CNTNAP2: variants seen among roughly 807,000 people sequenced by gnomAD.
The protein encoded by CNTNAP2 is contactin-associated protein-like 2.
In CNTNAP2, 98 loss-of-function variants were observed where a neutral mutation model predicts 155.2. The ratio of observed to expected loss-of-function variants is 0.63; its 90% confidence interval spans 0.54 to 0.75. The LOEUF (loss-of-function observed/expected upper bound fraction) is 0.75, where lower values mean the gene tolerates loss of function less well. Ranked by LOEUF, CNTNAP2 falls within the 30% of genes least tolerant of loss-of-function variation. CNTNAP2 has a pLI of 0.00. For synonymous variants in CNTNAP2, 651 were observed against 631.2 expected (o/e 1.03, Z -0.47); for missense variants, 1,727 against 1,688.1 (o/e 1.02, Z -0.40).
intron 1 of CNTNAP2, among the ~76,000 whole-genome samples, chr7:146,345,576 G>T (rs1417095565): frequency 2.0e-5 from 3 of 152,120 alleles, no homozygotes; most frequent in African/African-American, 7.2e-5. Context: ...CACAAAACCT[G>T]AGAAGCCCAA....
At chr7:147,878,639 C>G (rs1799466288) in intron 13 of CNTNAP2, among the ~76,000 whole-genome samples, 1 of 152,088 alleles carries the variant, frequency 6.6e-6, no homozygotes, top group Non-Finnish European at 1.5e-5. Flanking sequence ...TATTGTTACT[C>G]CCTAATCTTT....
At chr7:147,360,925 T>C (rs1327217952) in intron 9 of CNTNAP2, among the ~76,000 whole-genome samples, 1 of 152,126 alleles carries the variant, frequency 6.6e-6, no homozygotes, top group Admixed American at 6.5e-5. Context: ...ACATTACCAA[T>C]GGGTTGGATT....
chr7:148,336,004 TTA>T lies in CNTNAP2; in HGVS notation c.3476-47643_3476-47642del, dbSNP rs553159099. Among the ~76,000 whole-genome samples the T allele has an allele frequency of 3.3e-5, 5 of 152,302 alleles. No homozygotes were observed. In the East Asian group the frequency reaches 9.6e-4, roughly 29 times the overall value. ...TCCTTCCCTTCTTGCCCAGAGGAAT[TTA>T]TGTCTGTCTTCCTGCCCCAATATCT... On this transcript the variant is annotated intron_variant, in intron 21 of 23. Coordinates refer to ENST00000361727, the MANE Select transcript of CNTNAP2 (RefSeq NM_014141.6).
At chr7:148,119,584 T>G (rs752917801) in intron 16 of CNTNAP2, among the ~76,000 whole-genome samples, 2 of 152,174 alleles carry the variant, frequency 1.3e-5, no homozygotes, top group African/African-American at 4.8e-5. Context: ...AAATGAGTGC[T>G]TATGTTCCTG....
intron 3 of CNTNAP2, among the ~76,000 whole-genome samples, chr7:146,889,484 C>T (rs190306449): frequency 6.6e-6 from 1 of 152,090 alleles, no homozygotes; most frequent in Admixed American, 6.6e-5. Flanking sequence ...ACGTGTCTTC[C>T]CAATACTAAG....
At chr7:147,027,098 A>G (rs923422865) in intron 3 of CNTNAP2, among the ~76,000 whole-genome samples, 4 of 151,850 alleles carry the variant, frequency 2.6e-5, no homozygotes, top group African/African-American at 9.7e-5. Flanking sequence ...CTTATCTTCA[A>G]TGTGTGCTCT....
chr7:146,639,767 C>T (rs1799674311), intron 1 of CNTNAP2, among the ~76,000 whole-genome samples: 1 of 152,160 alleles, frequency 6.6e-6, no homozygotes, highest in Non-Finnish European at 1.5e-5. Flanking sequence ...CAGAATCTAT[C>T]AAAGACATAG....
intron 18 of CNTNAP2, among the ~76,000 whole-genome samples, chr7:148,180,455 G>A (rs1262626275): frequency 6.6e-6 from 1 of 152,000 alleles, no homozygotes; most frequent in East Asian, 1.9e-4. Flanking sequence ...CTTGACTGGT[G>A]TTCCATAGGG....
intron 1 of CNTNAP2, among the ~76,000 whole-genome samples, chr7:146,171,588 C>G (rs534068215): frequency 2.0e-5 from 3 of 152,188 alleles, no homozygotes; most frequent in African/African-American, 7.2e-5. Context: ...TTTATGAATT[C>G]TAACTCTTTG....
At chr7:147,617,720 CTT>C (rs960619639) in intron 12 of CNTNAP2, among the ~76,000 whole-genome samples, 2 of 152,114 alleles carry the variant, frequency 1.3e-5, no homozygotes, top group Non-Finnish European at 1.5e-5. Context: ...GCCACTATCT[CTT>C]AGTATTGTTT....
At chr7:148,204,779 G>A (rs138433921) in intron 18 of CNTNAP2, among the ~76,000 whole-genome samples, 4 of 152,282 alleles carry the variant, frequency 2.6e-5, no homozygotes, top group East Asian at 3.9e-4. Flanking sequence ...TTGCACAATC[G>A]TCGCCTAGAC....
At chr7:148,071,882 G>T (rs758076102) in intron 15 of CNTNAP2, among the ~76,000 whole-genome samples, 1 of 152,090 alleles carries the variant, frequency 6.6e-6, no homozygotes, top group African/African-American at 2.4e-5. Flanking sequence ...AAATTCATGG[G>T]TAGTTCACTC....
chr7:146,747,641 C>T (rs1478338326), intron 1 of CNTNAP2, among the ~76,000 whole-genome samples: 3 of 151,972 alleles, frequency 2.0e-5, no homozygotes, highest in Non-Finnish European at 4.4e-5. Flanking sequence ...CAAAGTAACC[C>T]ATTAAACTCT....
chr7:146,531,239 G>A (rs1014590352), intron 1 of CNTNAP2, among the ~76,000 whole-genome samples: 2 of 152,096 alleles, frequency 1.3e-5, no homozygotes, highest in South Asian at 4.1e-4. Context: ...GGAGGGAGGA[G>A]CATAAGGATT....
chr7:146,976,391 A>G (rs961062857), intron 3 of CNTNAP2, among the ~76,000 whole-genome samples: 5 of 152,180 alleles, frequency 3.3e-5, no homozygotes, highest in South Asian at 2.1e-4. Context: ...TCCACTTCCC[A>G]TGCCAGTTGC....
intron 1 of CNTNAP2, among the ~76,000 whole-genome samples, chr7:146,483,172 G>A (rs1186560506): frequency 2.0e-5 from 3 of 148,512 alleles, no homozygotes; most frequent in Admixed American, 2.0e-4. Flanking sequence ...GCTACTCGGG[G>A]GGCTGAGGCA....
chr7:147,943,581 C>T (rs1252453281), intron 14 of CNTNAP2, among the ~76,000 whole-genome samples: 1 of 151,718 alleles, frequency 6.6e-6, no homozygotes, highest in Non-Finnish European at 1.5e-5. Context: ...CCAGCCTGGC[C>T]AACATGGTGA....
At chr7:148,274,399 G>T (rs1189609977) in intron 21 of CNTNAP2, among the ~76,000 whole-genome samples, 2 of 152,132 alleles carry the variant, frequency 1.3e-5, no homozygotes, top group Non-Finnish European at 2.9e-5. Context: ...ATATAGTTTG[G>T]ATATTTGTCC....
At chr7:147,849,374 G>T (rs1231653079) in intron 13 of CNTNAP2, among the ~76,000 whole-genome samples, 2 of 152,154 alleles carry the variant, frequency 1.3e-5, no homozygotes, top group African/African-American at 4.8e-5. Flanking sequence ...TGAGATAACA[G>T]GAGTGTAGAC....
Sources: gnomAD v4.1 joint callset for allele counts (sites outside exome capture counted in the v4.1 genomes callset) on GRCh38, gnomAD v4.1.1 for gene constraint, MANE v1.5 for transcripts, NCBI Gene and HGNC (gene_info 2026-07-23, HGNC 2026-07-21) for gene names.